Variants in POU6F2 observed in about 807,000 individuals in gnomAD.
The protein encoded by POU6F2 is POU domain, class 6, transcription factor 2.
Under a neutral mutation model 71.3 loss-of-function variants are expected in POU6F2, and 31 were observed. The observed-to-expected ratio is 0.43, with a 90% confidence interval of 0.33 to 0.59. The LOEUF (loss-of-function observed/expected upper bound fraction) is 0.59. Ranked by LOEUF, POU6F2 falls within the 20% of genes least tolerant of loss-of-function variation. The pLI is 0.04. For synonymous variants in POU6F2, 347 were observed against 355.7 expected (o/e 0.98, Z 0.27); for missense variants, 783 against 856.8 (o/e 0.91, Z 1.07).
At chr7:39,002,865 C>T (rs546307342) in intron 1 of POU6F2, among the ~76,000 whole-genome samples, 75 of 152,314 alleles carry the variant, frequency 4.9e-4, no homozygotes, top group African/African-American at 1.7e-3. Flanking sequence ...CCAAAATGTC[C>T]TCTGCATAGA....
chr7:39,295,791 T>C (rs4549686), intron 4 of POU6F2, among the ~76,000 whole-genome samples: 69,603 of 152,084 alleles, frequency 0.46, 16,756 homozygotes, highest in Admixed American at 0.59. Flanking sequence ...TCTTCCAATA[T>C]ATAATTAAAC....
At chr7:38,993,800 G>C (rs941627660) in intron 1 of POU6F2, among the ~76,000 whole-genome samples, 1 of 152,106 alleles carries the variant, frequency 6.6e-6, no homozygotes, top group South Asian at 2.1e-4. Context: ...CTGGTGTTCT[G>C]AGTGCGTATT....
At chr7:39,290,795 G>C (rs1784740208) in intron 4 of POU6F2, among the ~76,000 whole-genome samples, 1 of 152,216 alleles carries the variant, frequency 6.6e-6, no homozygotes, top group Middle Eastern at 3.4e-3. Context: ...TTATGAAATA[G>C]AAATAAAGCA....
chr7:39,408,197 C>T (rs1278594126), intron 6 of POU6F2, among the ~76,000 whole-genome samples: 2 of 152,160 alleles, frequency 1.3e-5, no homozygotes, highest in African/African-American at 4.8e-5. Context: ...TGCCTCACTC[C>T]TGCCAGGGAG....
intron 1 of POU6F2, among the ~76,000 whole-genome samples, chr7:39,001,674 G>GTGATGGTGATA (rs1554305571): frequency 1.3e-5 from 2 of 151,758 alleles, no homozygotes; most frequent in African/African-American, 4.8e-5. Flanking sequence ...GGTGGTGATG[G>GTGATGGTGATA]TGATGGTGAT....
At chr7:39,003,242 C>CT (rs905009699) in intron 1 of POU6F2, among the ~76,000 whole-genome samples, 120 of 148,484 alleles carry the variant, frequency 8.1e-4, no homozygotes, top group East Asian at 2.7e-3. Flanking sequence ...AAAACATTTT[C>CT]TTTTTTTTTT....
chr7:39,460,488 C>T lies in POU6F2; in HGVS notation c.1490-59C>T. On this transcript the variant is annotated intron_variant, in intron 8 of 9. Coordinates refer to ENST00000518318, the MANE Select transcript of POU6F2 (RefSeq NM_001370959.1). The surrounding 1 kb of genome is among the most constrained non-coding windows in gnomAD (Gnocchi z 4.4). ...CCACTTTCTTATAAACCGTAATAAA[C>T]AGATATTGCTCGGCTGTGTGTTGAC... is the stretch of plus-strand genomic sequence containing the variant. 1 of 1,564,740 alleles carries T rather than the reference C, an allele frequency of 6.4e-7. No homozygotes were observed. The highest frequency in any genetic ancestry group is 8.7e-7 in the Non-Finnish European group (1 of 1,147,744).
intron 2 of POU6F2, among the ~76,000 whole-genome samples, chr7:39,167,514 C>T (rs1793138756): frequency 6.6e-6 from 1 of 152,004 alleles, no homozygotes; most frequent in Non-Finnish European, 1.5e-5. Context: ...CTATTACTAC[C>T]AGAAGGTCAT....
At chr7:39,439,615 G>A (rs1424260935) in intron 7 of POU6F2, among the ~76,000 whole-genome samples, 4 of 152,134 alleles carry the variant, frequency 2.6e-5, no homozygotes, top group African/African-American at 7.2e-5. Context: ...TCAGCCTCCC[G>A]AGTAGCTGGG....
intron 1 of POU6F2, among the ~76,000 whole-genome samples, chr7:39,073,767 C>T (rs931165928): frequency 2.9e-4 from 44 of 152,222 alleles, no homozygotes; most frequent in African/African-American, 1.0e-3. Flanking sequence ...AACCAAGCCA[C>T]ATTAGCAGTT....
chr7:39,284,230 G>T (rs1375185856), intron 4 of POU6F2, among the ~76,000 whole-genome samples: 1 of 152,186 alleles, frequency 6.6e-6, no homozygotes, highest in African/African-American at 2.4e-5. Flanking sequence ...CTCAGGCTGG[G>T]CTAGTGCAAC....
At chr7:39,239,002 G>A (rs1794726916) in intron 4 of POU6F2, among the ~76,000 whole-genome samples, 1 of 152,106 alleles carries the variant, frequency 6.6e-6, no homozygotes, top group Non-Finnish European at 1.5e-5. Flanking sequence ...AGAGTAGGGA[G>A]GGAAACCTCT....
intron 4 of POU6F2, among the ~76,000 whole-genome samples, chr7:39,310,341 G>A (rs1039369214): frequency 4.6e-5 from 7 of 152,306 alleles, no homozygotes; most frequent in African/African-American, 1.4e-4. Flanking sequence ...TGTATAAGGC[G>A]TGGAAGGGAT....
chr7:39,387,030 C>T (rs1005951341), intron 5 of POU6F2, among the ~76,000 whole-genome samples: 2 of 152,184 alleles, frequency 1.3e-5, no homozygotes, highest in African/African-American at 2.4e-5. Flanking sequence ...ACTAGCTGCC[C>T]AGGGCCATTG....
chr7:39,165,890 A>G (rs1465190750), intron 2 of POU6F2, among the ~76,000 whole-genome samples: 6 of 152,228 alleles, frequency 3.9e-5, no homozygotes, highest in African/African-American at 9.6e-5. Flanking sequence ...CTCAGTCCCA[A>G]ACTTTCCAAA....
Position 39,464,198 on chromosome 7 carries a change from A to G in POU6F2, c.1675A>G (p.Ser559Gly). ...CCCCCCCAGACACACCATCCTGAGA[A>G]GCCACTTTTTCCTACCACAGGAAGC... ...SAICRHTILR[S>G]HFFLPQEAQE... is the part of the protein sequence containing the mutation. The change falls in exon 10 of 10, where the codon AGC (serine) becomes GGC (glycine). Residue 559 changes from serine to glycine, a missense_variant. By Grantham distance (56) the Ser-to-Gly change is moderately conservative. This residue lies in a region of POU6F2 where 211 missense variants were observed against 283.9 expected (regional missense o/e 0.74). Transcript: ENST00000518318. The surrounding 1 kb of genome is among the most constrained non-coding windows in gnomAD (Gnocchi z 4.1). 6.2e-7 allele frequency: 1 copy of G among 1,613,786 alleles called. No homozygotes were observed. The highest frequency in any genetic ancestry group is 1.3e-5 in the African/African-American group (1 of 75,040).
intron 1 of POU6F2, among the ~76,000 whole-genome samples, chr7:39,030,544 A>ACACACACAT (rs1789918954): frequency 1.2e-5 from 1 of 84,166 alleles, no homozygotes; most frequent in Non-Finnish European, 2.6e-5. Flanking sequence ...ATATATATAT[A>ACACACACAT]CACACACATA....
intron 7 of POU6F2, among the ~76,000 whole-genome samples, chr7:39,436,866 A>G (rs1377574773): frequency 6.6e-6 from 1 of 152,198 alleles, no homozygotes; most frequent in Non-Finnish European, 1.5e-5. Context: ...CTTTTTGTGC[A>G]TCTATTAAGA....
intron 7 of POU6F2, among the ~76,000 whole-genome samples, chr7:39,449,178 A>T (rs1788596600): frequency 6.6e-6 from 1 of 152,308 alleles, no homozygotes; most frequent in East Asian, 1.9e-4. Context: ...TCCTGGGAAG[A>T]TCCCTGCACT....
Sources: gnomAD v4.1 joint callset for allele counts (sites outside exome capture counted in the v4.1 genomes callset) on GRCh38, gnomAD v4.1.1 for gene constraint, gnomAD v4.1.1 regional missense constraint, Gnocchi (gnomAD v3.1) non-coding constraint, MANE v1.5 for transcripts, NCBI Gene and HGNC (gene_info 2026-07-23, HGNC 2026-07-21) for gene names.